The following MAP3K4 variants were observed in gnomAD, a reference collection of about 807,000 sequenced individuals.
MAP3K4 encodes mitogen-activated protein kinase kinase kinase 4.
In MAP3K4, 67 loss-of-function variants were observed where a neutral mutation model predicts 185.6. The ratio of observed to expected loss-of-function variants is 0.36; its 90% CI spans 0.30 to 0.44. The LOEUF is 0.44. MAP3K4 is among the 20% of genes least tolerant of loss of function. The pLI is 1.00. For synonymous variants in MAP3K4, 702 were observed against 710.4 expected (o/e 0.99, Z 0.19); for missense variants, 1,551 against 1,995.1 (o/e 0.78, Z 4.24).
chr6:161,049,820 C>G lies in MAP3K4; in HGVS notation c.1548C>G (p.Gly516=). 2 of 1,614,098 alleles carry G rather than the reference C, an allele frequency of 1.2e-6. No homozygotes were observed. The highest frequency in any genetic ancestry group is 1.6e-4 in the Middle Eastern group (1 of 6,062). ...WGAPDWSTEA[G]FSRHCLTSIY... ...CACCAGACTGGAGCACAGAAGCAGG[C>G]TTTAGTAGACATTGTCTGACTTCTA... The change falls in exon 3 of 27, where the codon GGC becomes GGG. Residue 516 remains glycine, a synonymous_variant. Coordinates refer to ENST00000392142, the MANE Select transcript of MAP3K4 (RefSeq NM_005922.4). This position sits in a 1 kb window ranked among gnomAD's most constrained non-coding sequence, Gnocchi z 8.4.
rs1784554468 is a variant in MAP3K4 at position 161,063,178 on chromosome 6, A to AT, written c.1708-7428dup. Among the ~76,000 whole-genome samples, 1 of 152,074 alleles carries AT rather than the reference A, an allele frequency of 6.6e-6. No homozygotes were observed. The highest frequency in any genetic ancestry group is 6.5e-5 in the Admixed American group (1 of 15,280). On this transcript the variant is annotated intron_variant, in intron 3 of 26. Transcript: ENST00000392142. The surrounding 1 kb of genome is among the most constrained non-coding windows in gnomAD (Gnocchi z 5.4). ...AATTGATTTGATTTTTGATTAAAAA[A>AT]TTAAATTCTGAGTTCTATCACTGAG...
At position 161,077,479 on chromosome 6, in the gene MAP3K4, G is replaced by A. The variant is rs1290415158; in HGVS notation, c.2098-3402G>A. On this transcript the variant is annotated intron_variant, in intron 5 of 26. Coordinates refer to ENST00000392142, the MANE Select transcript of MAP3K4 (RefSeq NM_005922.4). This position sits in a 1 kb window ranked among gnomAD's most constrained non-coding sequence, Gnocchi z 4.3. ...GAAGCCCCTTTTTGGTAGCAGGTGC[G>A]GTCCGCTTGGGAAAGGAGCCTGGCA... Among the ~76,000 whole-genome samples, 1 of 152,112 alleles carries A rather than the reference G, an allele frequency of 6.6e-6. No homozygotes were observed. Among genetic ancestry groups the A allele is most frequent in the African/African-American group, 2.4e-5 (1 of 41,390 alleles).
intron 19 of MAP3K4, among the ~76,000 whole-genome samples, chr6:161,104,982 A>T (rs1322305666): frequency 6.6e-6 from 1 of 152,218 alleles, no homozygotes; most frequent in African/African-American, 2.4e-5. Flanking sequence ...GGATCTCTTC[A>T]TCTGAGCCAG....
rs750838881 is a variant in MAP3K4 at position 161,102,693 on chromosome 6, C to T, written c.3776-6C>T. On this transcript the variant is annotated splice_region_variant and splice_polypyrimidine_tract_variant and intron_variant, in intron 18 of 26. Transcript: ENST00000392142. Reference sequence around the variant, plus strand: ...TCTTAATTTGTATAAAAATAACTTCCTGCAGAACCAGCATATCCAAGAGGA... The same window carrying T: ...TCTTAATTTGTATAAAAATAACTTCTTGCAGAACCAGCATATCCAAGAGGA... 1.3e-6 allele frequency: 2 copies of T among 1,555,054 alleles called. No homozygotes were observed. Among genetic ancestry groups the T allele is most frequent in the South Asian group, 2.4e-5 (2 of 82,202 alleles).
intron 1 of MAP3K4, among the ~76,000 whole-genome samples, chr6:161,024,719 C>G (rs1465318729): frequency 6.6e-6 from 1 of 152,144 alleles, no homozygotes; most frequent in Non-Finnish European, 1.5e-5. Context: ...GGGGCACGTG[C>G]TGTCAACATG....
In MAP3K4 at chr6:161,088,554, G is replaced by T. The variant is rs1785857855; in HGVS notation, c.2823+600G>T. Among the ~76,000 whole-genome samples, 1 of 152,156 alleles carries T rather than the reference G, an allele frequency of 6.6e-6. No homozygotes were observed. Among genetic ancestry groups the T allele is most frequent in the African/African-American group, 2.4e-5 (1 of 41,432 alleles). On this transcript the variant is annotated intron_variant, in intron 10 of 26. Transcript: ENST00000392142. The surrounding 1 kb of genome is among the most constrained non-coding windows in gnomAD (Gnocchi z 4.5). The stretch of plus-strand genomic sequence containing the variant: ...CTCTGCTTTTATATTCCGTCTCAGT[G>T]AATGGTTCCGCGTTCACTCACATGT...
intron 6 of MAP3K4, among the ~76,000 whole-genome samples, chr6:161,081,889 A>G (rs1562526963): frequency 6.6e-6 from 1 of 152,138 alleles, no homozygotes; most frequent in African/African-American, 2.4e-5. Flanking sequence ...CATTCATAAG[A>G]GCATGCCTAT....
intron 1 of MAP3K4, among the ~76,000 whole-genome samples, chr6:161,009,185 C>T (rs1450719241): frequency 6.6e-6 from 1 of 151,900 alleles, no homozygotes; most frequent in Non-Finnish European, 1.5e-5. Flanking sequence ...GGGTTTCACA[C>T]CTGTTGGCCA....
In MAP3K4 at chr6:161,088,010, T is replaced by G; in HGVS notation, c.2823+56T>G. ...TTACTTCAAGGACTTTTAGTAAGAATGAACTGTTAGCTGCTCATGAATGAG... is the reference window on the plus strand; with the variant it reads ...TTACTTCAAGGACTTTTAGTAAGAAGGAACTGTTAGCTGCTCATGAATGAG... On this transcript the variant is annotated intron_variant, in intron 10 of 26. Transcript: ENST00000392142. The surrounding 1 kb of genome is among the most constrained non-coding windows in gnomAD (Gnocchi z 4.5). The G allele has an allele frequency of 6.5e-7, 1 of 1,545,664 alleles. No individual in the cohort carries two copies. The highest frequency in any genetic ancestry group is 1.2e-5 in the South Asian group (1 of 82,526).
At position 161,061,584 on chromosome 6, in the gene MAP3K4, A is replaced by C. The variant is rs1184935350; in HGVS notation, c.1708-9024A>C. On this transcript the variant is annotated intron_variant, in intron 3 of 26. Transcript: ENST00000392142. This position sits in a 1 kb window ranked among gnomAD's most constrained non-coding sequence, Gnocchi z 4.2. ...TTTGGAACATTTTCATTGCCCCTAA[A>C]AGAAGTCCTGTACCCTTTAGCTGTC... Among the ~76,000 whole-genome samples the C allele has an allele frequency of 6.6e-6, 1 of 152,182 alleles. No individual in the cohort carries two copies. The highest frequency in any genetic ancestry group is 1.5e-5 in the Non-Finnish European group (1 of 68,038).
intron 1 of MAP3K4, among the ~76,000 whole-genome samples, chr6:160,993,061 G>T (rs1193324306): frequency 6.6e-6 from 1 of 152,172 alleles, no homozygotes; most frequent in African/African-American, 2.4e-5. Context: ...CCTGCTTAAA[G>T]AAAATTCACA....
chr6:160,998,444 A>G (rs935406412), intron 1 of MAP3K4, among the ~76,000 whole-genome samples: 2 of 152,362 alleles, frequency 1.3e-5, no homozygotes, highest in East Asian at 1.9e-4. Context: ...CTCATTTATA[A>G]TTTTAAGTTT....
At chr6:160,992,878 C>T (rs1178684061) in intron 1 of MAP3K4, among the ~76,000 whole-genome samples, 1 of 151,842 alleles carries the variant, frequency 6.6e-6, no homozygotes, top group African/African-American at 2.4e-5. Flanking sequence ...TTTTTACGTG[C>T]CTATGTTTGT....
At chr6:161,057,550 G>C (rs1270437692) in intron 3 of MAP3K4, among the ~76,000 whole-genome samples, 3 of 152,130 alleles carry the variant, frequency 2.0e-5, no homozygotes, top group Admixed American at 6.5e-5. Flanking sequence ...CTGAGAGTAG[G>C]ACAAGTCAGA....
chr6:161,036,409 A>G (rs1029505808), intron 2 of MAP3K4, among the ~76,000 whole-genome samples: 5 of 152,238 alleles, frequency 3.3e-5, no homozygotes, highest in Admixed American at 6.5e-5. Flanking sequence ...TTCAGAAAAT[A>G]CAGACAAAAG....
At chr6:161,079,216 G>GAAAAAAAAA (rs71004026) in intron 5 of MAP3K4, among the ~76,000 whole-genome samples, 12 of 115,974 alleles carry the variant, frequency 1.0e-4, no homozygotes, top group Non-Finnish European at 2.0e-4. Flanking sequence ...CCTGTCTCAA[G>GAAAAAAAAA]AAAAAAAAAA....
In MAP3K4 at chr6:160,996,672, G is replaced by T. The variant is rs1340282197; in HGVS notation, c.152+4589G>T. Among the ~76,000 whole-genome samples the T allele has an allele frequency of 6.6e-6, 1 of 152,180 alleles. No individual in the cohort carries two copies. The highest frequency in any genetic ancestry group is 1.5e-5 in the Non-Finnish European group (1 of 68,038). On this transcript the variant is annotated intron_variant, in intron 1 of 26. Transcript: ENST00000392142. This position sits in a 1 kb window ranked among gnomAD's most constrained non-coding sequence, Gnocchi z 4.5. ...ACGTGAGAGAAGGAGATTAGCTGAA[G>T]ACTCCGTAGGTCTTCATAAGCTGGC...
Position 161,086,596 on chromosome 6 carries a change from G to A in MAP3K4, c.2485G>A (p.Ala829Thr). 1 of 1,613,934 alleles carries A rather than the reference G, an allele frequency of 6.2e-7. No individual in the cohort carries two copies. The highest frequency in any genetic ancestry group is 8.5e-7 in the Non-Finnish European group (1 of 1,179,918). ...ACTGTGATCCTAGGACCTGGAAATA[G>A]CAGCAGAATTCAGGCTTTCAGCCCC... ...AKMLRKDLEI[A>T]AEFRLSAPVR... is the part of the protein sequence containing the mutation. Residue 829 changes from alanine to threonine, a missense_variant, in exon 9 of 27, where the codon GCA becomes ACA. Coordinates refer to ENST00000392142, the MANE Select transcript of MAP3K4 (RefSeq NM_005922.4). The surrounding 1 kb of genome is among the most constrained non-coding windows in gnomAD (Gnocchi z 4.8).
chr6:161,080,788 C>T lies in MAP3K4; in HGVS notation c.2098-93C>T. 8.6e-7 allele frequency: 1 copy of T among 1,165,944 alleles called. No individual in the cohort carries two copies. The highest frequency in any genetic ancestry group is 1.2e-6 in the Non-Finnish European group (1 of 802,950). 72.2% of individuals were successfully genotyped at this position (1,165,944 alleles called of 1,614,324 possible). On this transcript the variant is annotated intron_variant, in intron 5 of 26. Transcript: ENST00000392142. This position sits in a 1 kb window ranked among gnomAD's most constrained non-coding sequence, Gnocchi z 4.8. ...CCTGTGACAGCCCCCGGCCCGCCCC[C>T]ACTTTACCCTGCTGATGTGTAGCTT...
Sources: gnomAD v4.1 joint callset for allele counts (sites outside exome capture counted in the v4.1 genomes callset) on GRCh38, gnomAD v4.1.1 for gene constraint, Gnocchi (gnomAD v3.1) non-coding constraint, MANE v1.5 for transcripts, NCBI Gene and HGNC (gene_info 2026-07-23, HGNC 2026-07-21) for gene names.